ZFAND6: variants seen among roughly 807,000 people sequenced by gnomAD.
ZFAND6 encodes AN1-type zinc finger protein 6.
In ZFAND6, 12 loss-of-function variants were observed where a neutral mutation model predicts 24.5. That is an observed-to-expected ratio of 0.49 (90% CI 0.31 to 0.79). The LOEUF is 0.79. Among genes scored for constraint, ZFAND6 ranks in the 30% least tolerant of loss-of-function variants. The pLI is 0.04. For missense variants in ZFAND6, 207 were observed against 245.9 expected (o/e 0.84, Z 1.06); for synonymous variants, 92 against 81.5 (o/e 1.13, Z -0.69).
intron 1 of ZFAND6, among the ~76,000 whole-genome samples, chr15:80,096,903 A>G (rs535527428): frequency 2.4e-4 from 37 of 152,326 alleles, no homozygotes; most frequent in Admixed American, 1.5e-3. Context: ...ATGCAGGTGA[A>G]TAGGAAATGC....
chr15:80,065,131 G>C (rs2036551549), intron 1 of ZFAND6, among the ~76,000 whole-genome samples: 1 of 149,558 alleles, frequency 6.7e-6, no homozygotes, highest in Non-Finnish European at 1.5e-5. Flanking sequence ...CTCCTACCCA[G>C]TTAAGTTTTC....
chr15:80,114,196 T>C, intron 2 of ZFAND6, among the ~76,000 whole-genome samples: 1 of 152,230 alleles, frequency 6.6e-6, no homozygotes, highest in East Asian at 1.9e-4. Flanking sequence ...CATTATTTAA[T>C]CTGGTTAGAT....
chr15:80,080,232 G>T (rs1165426241), intron 1 of ZFAND6, among the ~76,000 whole-genome samples: 1 of 150,902 alleles, frequency 6.6e-6, no homozygotes, highest in African/African-American at 2.4e-5. Flanking sequence ...CCTGACCTCG[G>T]GTGATCCACC....
chr15:80,102,970 ACT>A (rs1491140297), intron 2 of ZFAND6, among the ~76,000 whole-genome samples: 1 of 152,226 alleles, frequency 6.6e-6, no homozygotes, highest in Non-Finnish European at 1.5e-5. Flanking sequence ...TAGCCTTGGT[ACT>A]TTTTATGTGT....
chr15:80,064,607 TAC>T (rs9302291), intron 1 of ZFAND6, among the ~76,000 whole-genome samples: 29,300 of 150,574 alleles, frequency 0.19, 3,463 homozygotes, highest in East Asian at 0.42. Flanking sequence ...CATGTATACA[TAC>T]ACACACACAC....
intron 6 of ZFAND6, 51 bp downstream of exon 6, chr15:80,131,344 G>A: frequency 1.3e-6 from 2 of 1,484,964 alleles, no homozygotes; most frequent in African/African-American, 1.4e-5. Flanking sequence ...TTATAATAAT[G>A]CATAGCTTAC....
chr15:80,073,075 A>T (rs2037066384), intron 1 of ZFAND6, among the ~76,000 whole-genome samples: 1 of 151,986 alleles, frequency 6.6e-6, no homozygotes, highest in South Asian at 2.1e-4. Flanking sequence ...GTAAATTGAA[A>T]TGCCAACTGT....
At chr15:80,119,152 G>C (rs911987137) in intron 2 of ZFAND6, among the ~76,000 whole-genome samples, 2 of 152,102 alleles carry the variant, frequency 1.3e-5, no homozygotes, top group African/African-American at 4.8e-5. Flanking sequence ...GGGAGAAATG[G>C]CACATGGGGT....
At chr15:80,084,938 A>G (rs189397440) in intron 1 of ZFAND6, among the ~76,000 whole-genome samples, 2 of 152,272 alleles carry the variant, frequency 1.3e-5, no homozygotes, top group African/African-American at 4.8e-5. Flanking sequence ...TGGTTCCTAT[A>G]CCAAATACAG....
intron 1 of ZFAND6, among the ~76,000 whole-genome samples, chr15:80,069,689 A>G (rs1039657093): frequency 2.3e-4 from 35 of 151,844 alleles, no homozygotes; most frequent in Admixed American, 9.2e-4. Context: ...CTGGAGTGCA[A>G]TGTCTGCTGC....
At chr15:80,083,175 T>G (rs2141864487) in intron 1 of ZFAND6, among the ~76,000 whole-genome samples, 1 of 152,182 alleles carries the variant, frequency 6.6e-6, no homozygotes, top group East Asian at 1.9e-4. Context: ...TATTTTTTAG[T>G]AGAGACGGGG....
Position 80,109,446 on chromosome 15 carries a change from T to G in ZFAND6, c.-18+10868T>G, listed in dbSNP as rs2039497917. On this transcript the variant is annotated intron_variant, in intron 2 of 6. Coordinates refer to ENST00000261749, the MANE Select transcript of ZFAND6 (RefSeq NM_019006.4). ...ATTCCTCCTTGAAAAAGGTAACATT[T>G]GAGCAGAGACCTGAAGGAGGTGAAG... is the stretch of plus-strand genomic sequence containing the variant. Among the ~76,000 whole-genome samples, 4 of 152,168 alleles carry G rather than the reference T, an allele frequency of 2.6e-5. No homozygotes were observed. In the South Asian group the frequency reaches 8.3e-4, roughly 32 times the overall value.
rs12324328 is a variant in ZFAND6 at position 80,134,049 on chromosome 15, G to A, written c.478+2756G>A. ...TTCGCCTAGGCTGGAGTGCAGTGGCGCACTCTCCACTCACTGCAACCTCCT... is the reference window on the plus strand; with the variant it reads ...TTCGCCTAGGCTGGAGTGCAGTGGCACACTCTCCACTCACTGCAACCTCCT... On this transcript the variant is annotated intron_variant, in intron 6 of 6. Transcript: ENST00000261749. 3.7e-3 allele frequency among the ~76,000 whole-genome samples: 563 copies of A among 150,620 alleles called. 6 individuals are homozygous for A. Among genetic ancestry groups the A allele is most frequent in the African/African-American group, 0.013 (522 of 40,966 alleles).
chr15:80,094,335 C>A (rs181840325), intron 1 of ZFAND6, among the ~76,000 whole-genome samples: 137 of 148,454 alleles, frequency 9.2e-4, no homozygotes, highest in African/African-American at 2.7e-3. Flanking sequence ...ATCAGCAACA[C>A]TGGATTCTCA....
chr15:80,059,333 T>G (rs556505671), upstream of ZFAND6, among the ~76,000 whole-genome samples: 16 of 152,250 alleles, frequency 1.1e-4, no homozygotes, highest in South Asian at 3.3e-3. Flanking sequence ...GCCCTTAAAG[T>G]CTCCGCGGCA....
intron 2 of ZFAND6, among the ~76,000 whole-genome samples, chr15:80,099,962 A>T (rs778581792): frequency 1.3e-5 from 2 of 152,218 alleles, no homozygotes; most frequent in Non-Finnish European, 2.9e-5. Context: ...TATGTGGCAG[A>T]AATGGAGGGA....
At chr15:80,106,339 C>T (rs947778967) in intron 2 of ZFAND6, among the ~76,000 whole-genome samples, 19 of 152,214 alleles carry the variant, frequency 1.2e-4, no homozygotes, top group African/African-American at 4.3e-4. Context: ...CAAATCCATT[C>T]TAGTCACCCC....
At chr15:80,097,673 A>ATACATAC (rs1555431378) in intron 1 of ZFAND6, among the ~76,000 whole-genome samples, 5 of 150,520 alleles carry the variant, frequency 3.3e-5, no homozygotes, top group Non-Finnish European at 5.9e-5. Flanking sequence ...TAAATAAATA[A>ATACATAC]ATACATACAT....
intron 1 of ZFAND6, among the ~76,000 whole-genome samples, chr15:80,097,855 G>A (rs1159713563): frequency 6.6e-6 from 1 of 151,208 alleles, no homozygotes; most frequent in South Asian, 2.1e-4. Context: ...TTTTTTATGG[G>A]AACAAGGTTT....
Sources: gnomAD v4.1 joint callset for allele counts (sites outside exome capture counted in the v4.1 genomes callset) on GRCh38, gnomAD v4.1.1 for gene constraint, MANE v1.5 for transcripts, NCBI Gene and HGNC (gene_info 2026-07-23, HGNC 2026-07-21) for gene names.